The following FGFR1OP2 variants were observed in gnomAD, a reference collection of about 807,000 sequenced individuals.
FGFR1OP2 encodes FGFR1 oncogene partner 2, also known as fibroblast growth factor receptor 1 oncogene partner 2.
FGFR1OP2 carries 17 observed loss-of-function variants against 35.2 expected under a neutral mutation model. That is an observed-to-expected ratio of 0.48 (90% CI 0.33 to 0.73). The LOEUF (loss-of-function observed/expected upper bound fraction) is 0.73. FGFR1OP2 is among the 30% of genes least tolerant of loss of function. FGFR1OP2 has a pLI of 0.02. For synonymous variants in FGFR1OP2, 105 were observed against 104.6 expected (o/e 1.00, Z -0.03); for missense variants, 251 against 307.3 (o/e 0.82, Z 1.37).
intron 4 of FGFR1OP2, chr12:26,958,014 G>A (rs1939049716): frequency 3.6e-6 from 1 of 274,672 alleles, no homozygotes; most frequent in Non-Finnish European, 6.9e-6. Context: ...GGATATAAAG[G>A]TAAGTCTGGT....
intron 1 of FGFR1OP2, among the ~76,000 whole-genome samples, chr12:26,943,766 A>G (rs946314766): frequency 1.3e-5 from 2 of 152,194 alleles, no homozygotes; most frequent in East Asian, 1.9e-4. Context: ...CGGAGGTTCC[A>G]GTGAGCCAAG....
intron 1 of FGFR1OP2, among the ~76,000 whole-genome samples, chr12:26,943,538 A>G (rs1269721950): frequency 6.6e-6 from 1 of 152,148 alleles, no homozygotes; most frequent in Non-Finnish European, 1.5e-5. Flanking sequence ...AAAACTTGAC[A>G]TTTCGGCTGG....
At chr12:26,961,793 A>G (rs992215782) in intron 5 of FGFR1OP2, 2 of 152,262 alleles carry the variant, frequency 1.3e-5, no homozygotes, top group African/African-American at 2.4e-5. Flanking sequence ...TCAGTGCCAT[A>G]GGACTGACCA....
chr12:26,962,233 A>G (rs1198974937), intron 5 of FGFR1OP2: 3 of 152,224 alleles, frequency 2.0e-5, no homozygotes, highest in African/African-American at 7.2e-5. Context: ...AGCAGTGTAT[A>G]GGTTTCCCCA....
rs1238245611 is a variant in FGFR1OP2, at chr12:26,954,125, G to T, written c.-14-20G>T. On this transcript the variant is annotated intron_variant, in intron 1 of 6. Coordinates refer to ENST00000229395, the MANE Select transcript of FGFR1OP2 (RefSeq NM_015633.3). ...ATATGTTGACTTTATTTTGAGTCTTGATTTTAATTTTAATTATAGATATAT... is the reference window on the plus strand; with the variant it reads ...ATATGTTGACTTTATTTTGAGTCTTTATTTTAATTTTAATTATAGATATAT... The T allele has an allele frequency of 3.9e-6, 6 of 1,520,854 alleles. No individual in the cohort carries two copies. The highest frequency in any genetic ancestry group is 2.4e-5 in the East Asian group (1 of 41,476). 94.2% of individuals were successfully genotyped at this position (1,520,854 alleles called of 1,614,324 possible). A position where few individuals can be genotyped will look rare whatever the true frequency, so the allele number is the denominator to read the frequency against.
At position 26,965,082 on chromosome 12, in the gene FGFR1OP2, A is replaced by C; in HGVS notation, c.*349A>C. ...TTTGAGAATGCATAAAATTATACCAATTTAAAAATATAAATTTTTGCCACT... is the reference window on the plus strand; with the variant it reads ...TTTGAGAATGCATAAAATTATACCACTTTAAAAATATAAATTTTTGCCACT... On this transcript the variant is annotated 3_prime_UTR_variant, in exon 7 of 7. Transcript: ENST00000229395. The C allele has an allele frequency of 6.0e-6, 1 of 167,814 alleles. No homozygotes were observed. The highest frequency in any genetic ancestry group is 1.3e-5 in the Non-Finnish European group (1 of 78,610). 10.4% of individuals were successfully genotyped at this position (167,814 alleles called of 1,614,324 possible).
intron 1 of FGFR1OP2, among the ~76,000 whole-genome samples, chr12:26,948,278 A>G (rs1191463229): frequency 6.6e-6 from 1 of 152,220 alleles, no homozygotes; most frequent in African/African-American, 2.4e-5. Flanking sequence ...CTGATGTTCT[A>G]AGTTTCCTTC....
chr12:26,951,954 A>T (rs948116142), intron 1 of FGFR1OP2, among the ~76,000 whole-genome samples: 2 of 152,144 alleles, frequency 1.3e-5, no homozygotes, highest in Non-Finnish European at 2.9e-5. Context: ...TTTCTCTCAA[A>T]TCTTTTACAA....
chr12:26,956,100 T>C (rs952993832), intron 2 of FGFR1OP2, among the ~76,000 whole-genome samples: 10 of 152,298 alleles, frequency 6.6e-5, no homozygotes, highest in East Asian at 1.9e-4. Context: ...CTTCTTCCGA[T>C]GTGCCCAGGG....
At chr12:26,960,389 C>T in intron 4 of FGFR1OP2, 126 bp from the exon 5 acceptor site, 2 of 508,348 alleles carry the variant, frequency 3.9e-6, no homozygotes, top group Admixed American at 3.6e-5. Flanking sequence ...TGAACAGATG[C>T]CTTTTTGGAA....
chr12:26,963,420 G>C lies in FGFR1OP2; in HGVS notation c.589G>C (p.Gly197Arg), dbSNP rs1158090078. Residue 197 changes from glycine (G) to arginine (R), a missense_variant, in exon 6 of 7, where the codon GGT becomes CGT. Physicochemically the swap from Gly to Arg is moderately radical, Grantham distance 125. Coordinates refer to ENST00000229395, the MANE Select transcript of FGFR1OP2 (RefSeq NM_015633.3). Reference sequence around the variant, plus strand: ...AGCCATTGAAATTGACGAGCAACAGGGTTGCAAGGAACAAGAACGAATATT... The same window carrying C: ...AGCCATTGAAATTGACGAGCAACAGCGTTGCAAGGAACAAGAACGAATATT... ...RKAIEIDEQQ[G>R]CKEQERIFQL... 1 of 1,606,242 alleles carries C rather than the reference G, an allele frequency of 6.2e-7. No individual in the cohort carries two copies.
intron 3 of FGFR1OP2, 65 bp from the exon 4 acceptor site, chr12:26,957,536 T>C: frequency 7.0e-7 from 1 of 1,438,770 alleles, no homozygotes; most frequent in Non-Finnish European, 9.5e-7. Context: ...AGTTGCTTAG[T>C]GGAAGAGAAT....
intron 6 of FGFR1OP2, 55 bp downstream of exon 6, chr12:26,963,510 A>T: frequency 9.0e-7 from 1 of 1,113,592 alleles, no homozygotes; most frequent in Non-Finnish European, 1.3e-6. Context: ...GATTTATGCC[A>T]GAAAATATAT....
At chr12:26,943,826 T>C (rs1344645373) in intron 1 of FGFR1OP2, among the ~76,000 whole-genome samples, 1 of 152,028 alleles carries the variant, frequency 6.6e-6, no homozygotes, top group Non-Finnish European at 1.5e-5. Flanking sequence ...AGACTCTGTC[T>C]CAAAAAAAAG....
At position 26,964,779 on chromosome 12, in the gene FGFR1OP2, A is replaced by C. The variant is rs753014631; in HGVS notation, c.*46A>C. The C allele has an allele frequency of 6.3e-7, 1 of 1,579,698 alleles. No homozygotes were observed. The highest frequency in any genetic ancestry group is 1.4e-5 in the African/African-American group (1 of 73,728). ...CTTCTTACATGGCTCCAAATGGTCA[A>C]ATAAGTGAATGAATGAATGGACAGA... On this transcript the variant is annotated 3_prime_UTR_variant, in exon 7 of 7. Transcript: ENST00000229395.
intron 1 of FGFR1OP2, among the ~76,000 whole-genome samples, chr12:26,945,064 T>C (rs1050337929): frequency 6.6e-6 from 1 of 152,208 alleles, no homozygotes; most frequent in African/African-American, 2.4e-5. Context: ...GTCTCATCTT[T>C]CCTGATATCC....
chr12:26,941,803 T>C lies in FGFR1OP2; in HGVS notation c.-15+3093T>C, dbSNP rs78142848. 4.1e-4 allele frequency among the ~76,000 whole-genome samples: 62 copies of C among 152,288 alleles called. No homozygotes were observed. In the East Asian group the frequency reaches 0.012, roughly 29 times the overall value. ...TTCTTTTCTATGGCTGGCTTGAAAATTTTAAAAAATATCTTGGATGTTCCA... is the reference window on the plus strand; with the variant it reads ...TTCTTTTCTATGGCTGGCTTGAAAACTTTAAAAAATATCTTGGATGTTCCA... On this transcript the variant is annotated intron_variant, in intron 1 of 6. Transcript: ENST00000229395.
chr12:26,950,451 C>A (rs916308155), intron 1 of FGFR1OP2, among the ~76,000 whole-genome samples: 1 of 151,864 alleles, frequency 6.6e-6, no homozygotes, highest in Non-Finnish European at 1.5e-5. Context: ...TGGTCTCGAT[C>A]TCCTGACCTC....
rs1470373763 is a variant in FGFR1OP2, at chr12:26,966,371, G to A, written c.*1638G>A. 1 of 152,094 alleles carries A rather than the reference G, an allele frequency of 6.6e-6. No homozygotes were observed. The highest frequency in any genetic ancestry group is 2.4e-5 in the African/African-American group (1 of 41,440). 9.4% of individuals were successfully genotyped at this position (152,094 alleles called of 1,614,324 possible). On this transcript the variant is annotated 3_prime_UTR_variant, in exon 7 of 7. Coordinates refer to ENST00000229395, the MANE Select transcript of FGFR1OP2 (RefSeq NM_015633.3). ...TTTCAAGCTACACCATTGAGATTAAGTCTGAGGCAGTTCATTGAGGCAGCT... is the reference window on the plus strand; with the variant it reads ...TTTCAAGCTACACCATTGAGATTAAATCTGAGGCAGTTCATTGAGGCAGCT...
Sources: allele counts gnomAD v4.1 joint callset (sites outside exome capture counted in the v4.1 genomes callset), GRCh38; gene constraint gnomAD v4.1.1; transcripts MANE v1.5; gene names NCBI Gene and HGNC (gene_info 2026-07-23, HGNC 2026-07-21).